Variants in KIF26B observed in about 807,000 individuals in gnomAD.
KIF26B encodes kinesin family member 26B.
Under a neutral mutation model 151.2 loss-of-function variants are expected in KIF26B, and 63 were observed. The observed-to-expected ratio is 0.42, with a 90% CI of 0.34 to 0.51. The LOEUF (loss-of-function observed/expected upper bound fraction) is 0.51, where lower values mean the gene tolerates loss of function less well. Among genes scored for constraint, KIF26B ranks in the 20% least tolerant of loss-of-function variants. The pLI is 0.07. For synonymous variants in KIF26B, 1,357 were observed against 1,262.1 expected, an observed-to-expected ratio of 1.08 and a Z score of -1.59; for missense variants, 2,813 against 2,913.6, an observed-to-expected ratio of 0.97 and a Z score of 0.79.
At chr1:245,305,345 T>A (rs1671515748) in intron 2 of KIF26B, among the ~76,000 whole-genome samples, 1 of 152,160 alleles carries the variant, frequency 6.6e-6, no homozygotes, top group Non-Finnish European at 1.5e-5. Context: ...AAATCACATA[T>A]TTGATAAAGA....
intron 12 of KIF26B, among the ~76,000 whole-genome samples, chr1:245,696,812 T>G (rs2044700926): frequency 6.6e-6 from 1 of 152,184 alleles, no homozygotes; most frequent in Non-Finnish European, 1.5e-5. Flanking sequence ...ATCTGGGCTC[T>G]AAAAAGTGAG....
chr1:245,440,094 G>A (rs558825835), intron 4 of KIF26B, among the ~76,000 whole-genome samples: 17 of 152,238 alleles, frequency 1.1e-4, no homozygotes, highest in East Asian at 3.9e-4. Context: ...GGTGGCGGGA[G>A]CCTGTAGTCC....
intron 5 of KIF26B, among the ~76,000 whole-genome samples, chr1:245,585,300 C>T (rs12122627): frequency 0.012 from 1,797 of 152,316 alleles, 21 homozygotes; most frequent in South Asian, 0.056. Context: ...CTGCAACCCA[C>T]AGTTGTTTAA....
At chr1:245,657,779 T>C (rs1393947940) in intron 10 of KIF26B, among the ~76,000 whole-genome samples, 4 of 152,220 alleles carry the variant, frequency 2.6e-5, no homozygotes, top group Non-Finnish European at 5.9e-5. Context: ...ACTCCAGTAC[T>C]GTACTGGAGC....
At position 245,703,916 on chromosome 1, in the gene KIF26B, A is replaced by G. The variant is rs952742401; in HGVS notation, c.*1310A>G. The G allele has an allele frequency of 2.0e-5, 3 of 152,154 alleles. No individual in the cohort carries two copies. Among genetic ancestry groups the G allele is most frequent in the Admixed American group, 2.0e-4 (3 of 15,278 alleles). The allele number at this position is 152,154 out of a possible 1,614,324, so 9.4% of individuals were successfully genotyped here. A position where few individuals can be genotyped will look rare whatever the true frequency, so the allele number is the denominator to read the frequency against. On this transcript the variant is annotated 3_prime_UTR_variant, in exon 15 of 15. Coordinates refer to ENST00000407071, the MANE Select transcript of KIF26B (RefSeq NM_018012.4). ...CAAAGGCAGAGAGAGCTTCCCCTCC[A>G]TAACTCACACGACCCTGGATAGGCA... is the stretch of plus-strand genomic sequence containing the variant.
At position 245,693,893 on chromosome 1, in the gene KIF26B, C is replaced by T. The variant is rs539121770; in HGVS notation, c.5825-4213C>T. ...TTCAGATTTCCAGAATGTTTCTAAG[C>T]GAACCAACCTAGAGCCAGTTGAGAA... On this transcript the variant is annotated intron_variant, in intron 12 of 14. Transcript: ENST00000407071. 4.6e-5 allele frequency among the ~76,000 whole-genome samples: 7 copies of T among 152,328 alleles called. No individual in the cohort carries two copies. The East Asian group carries it at 7.7e-4, about 17-fold the overall frequency.
intron 3 of KIF26B, among the ~76,000 whole-genome samples, chr1:245,417,809 C>A (rs117233653): frequency 6.6e-6 from 1 of 152,250 alleles, no homozygotes; most frequent in Admixed American, 6.5e-5. Flanking sequence ...CGCGTTCCAG[C>A]GGCTGCTCTC....
At chr1:245,445,959 C>A (rs1403415577) in intron 4 of KIF26B, among the ~76,000 whole-genome samples, 2 of 152,230 alleles carry the variant, frequency 1.3e-5, no homozygotes, top group African/African-American at 2.4e-5. Context: ...ATTACTATTT[C>A]ATTTACCCCA....
intron 2 of KIF26B, among the ~76,000 whole-genome samples, chr1:245,228,952 T>TTAG (rs1669933748): frequency 6.6e-6 from 1 of 151,962 alleles, no homozygotes; most frequent in South Asian, 2.1e-4. Flanking sequence ...GGATTTATTA[T>TTAG]TATTATTATT....
At chr1:245,222,722 T>A (rs531997201) in intron 2 of KIF26B, among the ~76,000 whole-genome samples, 1 of 152,048 alleles carries the variant, frequency 6.6e-6, no homozygotes, top group Non-Finnish European at 1.5e-5. Flanking sequence ...ACAATAGAGT[T>A]TTTCACACAA....
intron 5 of KIF26B, among the ~76,000 whole-genome samples, chr1:245,598,544 G>A (rs2043358131): frequency 1.3e-5 from 2 of 152,312 alleles, no homozygotes; most frequent in African/African-American, 2.4e-5. Context: ...CTGTGATCAC[G>A]TGTAGTGGTC....
At position 245,237,131 on chromosome 1, in the gene KIF26B, C is replaced by T. The variant is rs181707553; in HGVS notation, c.465+80448C>T. Among the ~76,000 whole-genome samples, 8 of 152,284 alleles carry T rather than the reference C, an allele frequency of 5.3e-5. No individual in the cohort carries two copies. The East Asian group carries it at 1.5e-3, about 29-fold the overall frequency. ...TCTTTCTTCCTCTGTCCTCTGCTCCCTCTTTCTACTTCTTCCCTTCTTTCT... is the reference window on the plus strand; with the variant it reads ...TCTTTCTTCCTCTGTCCTCTGCTCCTTCTTTCTACTTCTTCCCTTCTTTCT... On this transcript the variant is annotated intron_variant, in intron 2 of 14. Coordinates refer to ENST00000407071, the MANE Select transcript of KIF26B (RefSeq NM_018012.4).
At chr1:245,659,343 T>C (rs1395462290) in intron 10 of KIF26B, among the ~76,000 whole-genome samples, 2 of 152,216 alleles carry the variant, frequency 1.3e-5, no homozygotes, top group African/African-American at 4.8e-5. Context: ...GTGACAGATA[T>C]GAGTCTGACA....
In KIF26B at chr1:245,601,020, A is replaced by G. The variant is rs7546506; in HGVS notation, c.1351-1557A>G. ...TCTCATCTGTAAAATCTGGACAGGC[A>G]TACCTACACCCTGGAGCATTGGGAG... On this transcript the variant is annotated intron_variant, in intron 5 of 14. Transcript: ENST00000407071. This position sits in a 1 kb window ranked among gnomAD's most constrained non-coding sequence, Gnocchi z 4.4. Among the ~76,000 whole-genome samples, 17,132 of 152,256 alleles carry G rather than the reference A, an allele frequency of 0.11. 1,023 individuals are homozygous for G. The highest frequency in any genetic ancestry group is 0.15 in the Middle Eastern group (44 of 294).
rs147674403 is a variant in KIF26B, at chr1:245,682,839, G to A, written c.2259-1394G>A. On this transcript the variant is annotated intron_variant, in intron 10 of 14. Coordinates refer to ENST00000407071, the MANE Select transcript of KIF26B (RefSeq NM_018012.4). Reference sequence around the variant, plus strand: ...GCCAGGAATGGGGCCTGGCTTCCTCGTCGAGTGCGGCTGTCCGTGGGTTTC... The same window carrying A: ...GCCAGGAATGGGGCCTGGCTTCCTCATCGAGTGCGGCTGTCCGTGGGTTTC... 3.5e-3 allele frequency among the ~76,000 whole-genome samples: 532 copies of A among 152,340 alleles called. 1 individual carries two copies. Among genetic ancestry groups the A allele is most frequent in the African/African-American group, 0.012 (506 of 41,558 alleles).
rs1379348077 is a variant in KIF26B, at chr1:245,706,506, T to C, written c.*3900T>C. On this transcript the variant is annotated 3_prime_UTR_variant, in exon 15 of 15. Coordinates refer to ENST00000407071, the MANE Select transcript of KIF26B (RefSeq NM_018012.4). ...TTTTAGACTGTAAAATGACTAAAGA[T>C]GAGTTAATTTCCAAACTAAAAAAGG... is the stretch of plus-strand genomic sequence containing the variant. The C allele has an allele frequency of 6.6e-6, 1 of 152,232 alleles. No individual in the cohort carries two copies. The highest frequency in any genetic ancestry group is 2.4e-5 in the African/African-American group (1 of 41,472). 9.4% of individuals were successfully genotyped at this position (152,232 alleles called of 1,614,324 possible). A position where few individuals can be genotyped will look rare whatever the true frequency, so the allele number is the denominator to read the frequency against.
chr1:245,462,689 G>A (rs1366060416), intron 4 of KIF26B, among the ~76,000 whole-genome samples: 2 of 152,138 alleles, frequency 1.3e-5, no homozygotes, highest in East Asian at 3.9e-4. Context: ...AGGCACTCTT[G>A]TTTTGTGCTC....
chr1:245,424,451 T>C (rs1306690140), intron 4 of KIF26B, among the ~76,000 whole-genome samples: 1 of 152,234 alleles, frequency 6.6e-6, no homozygotes, highest in African/African-American at 2.4e-5. Context: ...ACATTGTATA[T>C]ATTTACGGAG....
At chr1:245,494,069 C>G (rs1450704737) in intron 4 of KIF26B, among the ~76,000 whole-genome samples, 1 of 151,994 alleles carries the variant, frequency 6.6e-6, no homozygotes, top group East Asian at 1.9e-4. Flanking sequence ...TTTGGGAGGC[C>G]GAGGTGGGTG....
Sources: allele counts gnomAD v4.1 joint callset (sites outside exome capture counted in the v4.1 genomes callset), GRCh38; gene constraint gnomAD v4.1.1; non-coding constraint Gnocchi (gnomAD v3.1); transcripts MANE v1.5; gene names NCBI Gene and HGNC (gene_info 2026-07-23, HGNC 2026-07-21).